The following FHIT variants were observed in gnomAD, a reference collection of about 807,000 sequenced individuals.
FHIT encodes the protein bis(5'-adenosyl)-triphosphatase.
In FHIT, 19 loss-of-function variants were observed where a neutral mutation model predicts 17.9. The observed-to-expected ratio is 1.06, with a 90% CI of 0.74 to 1.56. FHIT has a LOEUF of 1.56. Ranked by LOEUF, FHIT falls within the 40% of genes most tolerant of loss-of-function variation. FHIT has a pLI of 0.00. For missense variants in FHIT, 248 were observed against 189.2 expected, an observed-to-expected ratio of 1.31 and a Z score of -1.82; for synonymous variants, 81 against 69.7, an observed-to-expected ratio of 1.16 and a Z score of -0.81.
At chr3:60,137,027 T>C (rs1188133174) in intron 5 of FHIT, among the ~76,000 whole-genome samples, 1 of 152,176 alleles carries the variant, frequency 6.6e-6, no homozygotes, top group Non-Finnish European at 1.5e-5. Context: ...CTTTTGGCAT[T>C]AGCATGAATA....
At chr3:60,422,892 C>G (rs567090072) in intron 5 of FHIT, among the ~76,000 whole-genome samples, 1 of 152,174 alleles carries the variant, frequency 6.6e-6, no homozygotes, top group East Asian at 1.9e-4. Context: ...TCTGGTAGAC[C>G]CAACCCTCCT....
At chr3:60,394,468 A>C (rs1419112930) in intron 5 of FHIT, among the ~76,000 whole-genome samples, 2 of 152,180 alleles carry the variant, frequency 1.3e-5, no homozygotes, top group African/African-American at 4.8e-5. Flanking sequence ...ACATGCCCAA[A>C]ATCAAGAGGA....
intron 5 of FHIT, among the ~76,000 whole-genome samples, chr3:60,531,301 C>T (rs552199499): frequency 1.1e-4 from 12 of 111,092 alleles, no homozygotes; most frequent in South Asian, 2.9e-4. Context: ...TTTTTTGAGA[C>T]GGAGTCTCGC....
At chr3:59,819,631 C>T (rs1700721661) in intron 8 of FHIT, among the ~76,000 whole-genome samples, 1 of 152,146 alleles carries the variant, frequency 6.6e-6, no homozygotes, top group African/African-American at 2.4e-5. Context: ...TGTATATTTG[C>T]ACACATCTAA....
At chr3:60,809,364 G>A (rs1201765687) in intron 4 of FHIT, among the ~76,000 whole-genome samples, 1 of 152,088 alleles carries the variant, frequency 6.6e-6, no homozygotes, top group Non-Finnish European at 1.5e-5. Context: ...TAGAATATGT[G>A]TGTATTCCCA....
chr3:61,197,000 A>G (rs2038870856), intron 2 of FHIT, among the ~76,000 whole-genome samples: 1 of 152,184 alleles, frequency 6.6e-6, no homozygotes, highest in African/African-American at 2.4e-5. Context: ...GCCATTTAGA[A>G]GAGAGAGGAG....
At chr3:60,603,259 G>A (rs1260905161) in intron 4 of FHIT, among the ~76,000 whole-genome samples, 1 of 152,076 alleles carries the variant, frequency 6.6e-6, no homozygotes, top group African/African-American at 2.4e-5. Flanking sequence ...CTTTAATGGT[G>A]AAAAAATACA....
In FHIT at chr3:60,146,673, G is replaced by C. The variant is rs777207364; in HGVS notation, c.104-132521C>G. Among the ~76,000 whole-genome samples the C allele has an allele frequency of 5.3e-5, 8 of 152,258 alleles. 1 individual carries two copies. Among genetic ancestry groups the C allele is most frequent in the Admixed American group, 5.2e-4 (8 of 15,294 alleles). ...TGAGGCAGGACTCGCCTGAAATGGG[G>C]TAAGTGTAGCCCTCCTAAGAAAGAA... On this transcript the variant is annotated intron_variant, in intron 5 of 9. Coordinates refer to ENST00000492590, the MANE Select transcript of FHIT (RefSeq NM_002012.4).
At chr3:61,059,372 C>CTTTTTTTTT (rs201797361) in intron 2 of FHIT, among the ~76,000 whole-genome samples, 9 of 113,280 alleles carry the variant, frequency 7.9e-5, no homozygotes, top group East Asian at 2.7e-4. Flanking sequence ...TTGCTTTTTC[C>CTTTTTTTTT]TTTTTTTTTT....
intron 4 of FHIT, among the ~76,000 whole-genome samples, chr3:60,667,901 C>T (rs2107836866): frequency 6.6e-6 from 1 of 152,012 alleles, no homozygotes; most frequent in South Asian, 2.1e-4. Flanking sequence ...TGCCTCTACC[C>T]CACTGCCTTG....
intron 5 of FHIT, among the ~76,000 whole-genome samples, chr3:60,185,535 G>C (rs544842210): frequency 3.3e-5 from 5 of 152,218 alleles, no homozygotes; most frequent in African/African-American, 1.2e-4. Flanking sequence ...AGGACATTTT[G>C]GTTGTTTCCA....
chr3:59,947,341 TG>T (rs1168249685), intron 7 of FHIT, among the ~76,000 whole-genome samples: 2 of 152,182 alleles, frequency 1.3e-5, no homozygotes, highest in Non-Finnish European at 2.9e-5. Flanking sequence ...TTGGTATTTC[TG>T]GGGGGTTGGT....
rs187177846 is a variant in FHIT, at chr3:59,767,423, C to T, written c.349-15102G>A. ...CTGAGGCAGGAGAATTGCTTGAACC[C>T]GGGAGGTGAATGTTGCAGTGAGCCG... On this transcript the variant is annotated intron_variant, in intron 8 of 9. Transcript: ENST00000492590. 2.8e-4 allele frequency among the ~76,000 whole-genome samples: 43 copies of T among 152,100 alleles called. No homozygotes were observed. In the East Asian group the frequency reaches 6.6e-3, roughly 23 times the overall value.
intron 2 of FHIT, among the ~76,000 whole-genome samples, chr3:61,085,874 T>C (rs1575985558): frequency 6.6e-6 from 1 of 152,194 alleles, no homozygotes; most frequent in Admixed American, 6.5e-5. Context: ...AATTTGTTCA[T>C]AGTTTATAAC....
At chr3:60,403,840 C>A (rs974187196) in intron 5 of FHIT, among the ~76,000 whole-genome samples, 3 of 152,160 alleles carry the variant, frequency 2.0e-5, no homozygotes, top group Non-Finnish European at 2.9e-5. Context: ...TGAAGGCTCC[C>A]ATGTCATGTA....
At chr3:60,451,309 C>T (rs411122) in intron 5 of FHIT, among the ~76,000 whole-genome samples, 1 of 151,826 alleles carries the variant, frequency 6.6e-6, no homozygotes, top group African/African-American at 2.4e-5. Context: ...ATAAGGCCCA[C>T]CTCCAGCCTT....
chr3:60,416,490 T>G (rs1702253164), intron 5 of FHIT, among the ~76,000 whole-genome samples: 1 of 152,184 alleles, frequency 6.6e-6, no homozygotes, highest in African/African-American at 2.4e-5. Context: ...TCTACCACAA[T>G]TGTGTGAAAG....
At chr3:60,480,030 G>T (rs1055180734) in intron 5 of FHIT, among the ~76,000 whole-genome samples, 12 of 152,136 alleles carry the variant, frequency 7.9e-5, no homozygotes, top group African/African-American at 2.2e-4. Flanking sequence ...CAGAGACTGG[G>T]TACTTTATGA....
chr3:60,455,915 A>G (rs1383946632), intron 5 of FHIT, among the ~76,000 whole-genome samples: 2 of 152,216 alleles, frequency 1.3e-5, no homozygotes, highest in East Asian at 3.8e-4. Flanking sequence ...TTAGAAAAAT[A>G]TGTTCACCAA....
Sources: allele counts gnomAD v4.1 joint callset (sites outside exome capture counted in the v4.1 genomes callset), GRCh38; gene constraint gnomAD v4.1.1; transcripts MANE v1.5; gene names NCBI Gene and HGNC (gene_info 2026-07-23, HGNC 2026-07-21).